Variants in KCNT1 observed in about 807,000 individuals in gnomAD.
KCNT1 encodes the protein potassium sodium-activated channel subfamily T member 1.
A neutral mutation model predicts 147.8 loss-of-function variants in KCNT1; 78 were observed. That is an observed-to-expected ratio of 0.53 (90% confidence interval 0.44 to 0.64). The LOEUF (loss-of-function observed/expected upper bound fraction) is 0.64. KCNT1 is among the 30% of genes least tolerant of loss of function. The probability of loss-of-function intolerance (pLI) is 0.00; values close to 1 mark genes in which losing one functional copy is unlikely to be tolerated. For missense variants in KCNT1, 1,419 were observed against 1,750.3 expected, an observed-to-expected ratio of 0.81 and a Z score of 3.38; for synonymous variants, 867 against 748.8, an observed-to-expected ratio of 1.16 and a Z score of -2.58.
chr9:135,770,551 G>A, intron 17 of KCNT1, 104 bp downstream of exon 17: 1 of 1,411,406 alleles, frequency 7.1e-7, no homozygotes, highest in Non-Finnish European at 9.6e-7. Flanking sequence ...GGGCGGGGCT[G>A]CAGAGGGCTC....
chr9:135,754,969 C>A, intron 5 of KCNT1, 152 bp from the exon 6 acceptor site: 1 of 607,430 alleles, frequency 1.6e-6, no homozygotes. Context: ...ATGGTCCCCT[C>A]CAAAGGCAAG....
At chr9:135,765,504 C>A in intron 12 of KCNT1, 120 bp from the exon 13 acceptor site, 1 of 1,162,758 alleles carries the variant, frequency 8.6e-7, no homozygotes, top group Non-Finnish European at 1.2e-6. Flanking sequence ...CCACCAGATG[C>A]AAGATCACAG....
At chr9:135,723,486 G>T (rs1836005838) in intron 2 of KCNT1, among the ~76,000 whole-genome samples, 1 of 152,242 alleles carries the variant, frequency 6.6e-6, no homozygotes, top group South Asian at 2.1e-4. Flanking sequence ...CTGCTCCCTG[G>T]CAGGAAGTTC....
At chr9:135,777,045 G>A (rs1038512367) in intron 20 of KCNT1, among the ~76,000 whole-genome samples, 14 of 152,232 alleles carry the variant, frequency 9.2e-5, no homozygotes, top group Admixed American at 3.3e-4. Flanking sequence ...CACATGACAC[G>A]TATCTATGCC....
intron 13 of KCNT1, among the ~76,000 whole-genome samples, chr9:135,767,085 C>T (rs764480845): frequency 1.1e-4 from 17 of 152,126 alleles, no homozygotes; most frequent in Non-Finnish European, 1.2e-4. Context: ...ATTTTCATTC[C>T]AGGAGCCTGA....
rs1405369197 is a variant in KCNT1, at chr9:135,725,255, C to T, written c.254+10535C>T. Reference sequence around the variant, plus strand: ...GGTCCCCTATAGTGTTTGAACAGGGCCTTCGAAAGATTCCTGTCCTCCCAG... The same window carrying T: ...GGTCCCCTATAGTGTTTGAACAGGGTCTTCGAAAGATTCCTGTCCTCCCAG... On this transcript the variant is annotated intron_variant, in intron 2 of 30. Transcript: ENST00000371757. Among the ~76,000 whole-genome samples the T allele has an allele frequency of 2.0e-5, 3 of 152,234 alleles. No homozygotes were observed. In the South Asian group the frequency reaches 6.2e-4, roughly 32 times the overall value.
chr9:135,752,949 GGATA>G lies in KCNT1; in HGVS notation c.435-984_435-981del, dbSNP rs1831269222. The stretch of plus-strand genomic sequence containing the variant: ...TGGATGGATGGACAGATAAGTAGAT[GGATA>G]GATGGATGAGTGGATGGATGATGAG... On this transcript the variant is annotated intron_variant, in intron 4 of 30. Transcript: ENST00000371757. This position sits in a 1 kb window ranked among gnomAD's most constrained non-coding sequence, Gnocchi z 5.1. 6.6e-6 allele frequency among the ~76,000 whole-genome samples: 1 copy of G among 150,978 alleles called. No individual in the cohort carries two copies. Among genetic ancestry groups the G allele is most frequent in the African/African-American group, 2.4e-5 (1 of 41,010 alleles).
At chr9:135,705,438 C>T (rs1204970765) in intron 1 of KCNT1, among the ~76,000 whole-genome samples, 1 of 152,254 alleles carries the variant, frequency 6.6e-6, no homozygotes, top group Non-Finnish European at 1.5e-5. Flanking sequence ...AACCTGGGCG[C>T]TCCGTGAGCC....
intron 29 of KCNT1, chr9:135,791,576 C>G: frequency 1.8e-6 from 1 of 551,288 alleles, no homozygotes; most frequent in South Asian, 2.1e-5. Flanking sequence ...AGCTGGCTCC[C>G]AGCTGCCCTC....
At chr9:135,738,227 G>A (rs889477903) in intron 2 of KCNT1, among the ~76,000 whole-genome samples, 49 of 152,222 alleles carry the variant, frequency 3.2e-4, no homozygotes, top group Admixed American at 2.6e-4. Context: ...GCACTGTGCT[G>A]ACGGTTTCAC....
chr9:135,747,782 G>T (rs768941564), intron 2 of KCNT1, among the ~76,000 whole-genome samples: 4 of 152,072 alleles, frequency 2.6e-5, no homozygotes, highest in Non-Finnish European at 1.5e-5. Flanking sequence ...TCTGTGGGAG[G>T]CTTGTCCCAC....
At chr9:135,781,052 C>T (rs1588391264) in intron 24 of KCNT1, among the ~76,000 whole-genome samples, 2 of 152,244 alleles carry the variant, frequency 1.3e-5, no homozygotes, top group African/African-American at 2.4e-5. Flanking sequence ...ACCCACGCTC[C>T]GCCCCGCCGT....
intron 2 of KCNT1, among the ~76,000 whole-genome samples, chr9:135,737,264 T>C (rs1830382922): frequency 6.6e-6 from 1 of 152,078 alleles, no homozygotes; most frequent in African/African-American, 2.4e-5. Flanking sequence ...CTTGGGCTGG[T>C]GTCTGGTGCT....
intron 29 of KCNT1, among the ~76,000 whole-genome samples, chr9:135,787,520 C>T (rs1232815139): frequency 1.3e-5 from 2 of 152,194 alleles, no homozygotes; most frequent in Admixed American, 6.5e-5. Flanking sequence ...CTGCTTCCTG[C>T]GTCTGTCACC....
intron 2 of KCNT1, among the ~76,000 whole-genome samples, chr9:135,746,506 G>T (rs185011132): frequency 3.9e-5 from 6 of 152,386 alleles, no homozygotes; most frequent in Middle Eastern, 3.4e-3. Context: ...CCGGAAGCCA[G>T]TGAGGTCCTG....
chr9:135,782,903 T>C (rs1833715706), intron 24 of KCNT1, among the ~76,000 whole-genome samples: 1 of 152,198 alleles, frequency 6.6e-6, no homozygotes, highest in Non-Finnish European at 1.5e-5. Flanking sequence ...CCACTGTTTC[T>C]CACGCCCCAG....
intron 2 of KCNT1, among the ~76,000 whole-genome samples, chr9:135,746,182 CT>C (rs555648322): frequency 7.5e-4 from 114 of 152,370 alleles, no homozygotes; most frequent in East Asian, 4.8e-3. Flanking sequence ...ATTAATGTCT[CT>C]GGCATCGCAG....
intron 2 of KCNT1, among the ~76,000 whole-genome samples, chr9:135,728,785 C>T (rs1334586690): frequency 1.3e-5 from 2 of 152,180 alleles, no homozygotes; most frequent in Non-Finnish European, 1.5e-5. Context: ...AGTGTTTTGC[C>T]GGGTCTGGTT....
At chr9:135,776,321 G>A (rs1269697044) in intron 20 of KCNT1, among the ~76,000 whole-genome samples, 3 of 152,046 alleles carry the variant, frequency 2.0e-5, no homozygotes, top group African/African-American at 7.3e-5. Flanking sequence ...GCAGTGGTGG[G>A]ATCATAGCTC....
Sources: allele counts gnomAD v4.1 joint callset (sites outside exome capture counted in the v4.1 genomes callset), GRCh38; gene constraint gnomAD v4.1.1; non-coding constraint Gnocchi (gnomAD v3.1); transcripts MANE v1.5; gene names NCBI Gene and HGNC (gene_info 2026-07-23, HGNC 2026-07-21).